Variants in FGF12 observed in about 807,000 individuals in gnomAD.
FGF12 encodes the protein fibroblast growth factor 12B.
Under a neutral mutation model 23.6 loss-of-function variants are expected in FGF12, and 14 were observed. The observed-to-expected ratio is 0.59, with a 90% CI of 0.39 to 0.93. The LOEUF (loss-of-function observed/expected upper bound fraction) is 0.93, where lower values mean the gene tolerates loss of function less well. FGF12 is among the 40% of genes least tolerant of loss of function. The pLI is 0.00. For synonymous variants in FGF12, 62 were observed against 77.3 expected (o/e 0.80, Z 1.04); for missense variants, 175 against 217.8 (o/e 0.80, Z 1.24).
intron 2 of FGF12, among the ~76,000 whole-genome samples, chr3:192,658,052 T>TA (rs1320854312): frequency 6.6e-6 from 1 of 151,968 alleles, no homozygotes; most frequent in Non-Finnish European, 1.5e-5. Context: ...CAATTGCAGA[T>TA]AAAAAACAGT....
chr3:192,467,106 C>T (rs1166853443), intron 2 of FGF12, among the ~76,000 whole-genome samples: 4 of 151,942 alleles, frequency 2.6e-5, no homozygotes. Context: ...TAAAAGAAGA[C>T]GAATCTAGAG....
chr3:192,712,771 A>G (rs1718737860), intron 2 of FGF12, among the ~76,000 whole-genome samples: 1 of 151,972 alleles, frequency 6.6e-6, no homozygotes, highest in Non-Finnish European at 1.5e-5. Flanking sequence ...GTATTCCACC[A>G]AAATAAGAGA....
rs577753768 is a variant in FGF12, at chr3:192,335,882, A to T, written c.125-418T>A. On this transcript the variant is annotated intron_variant, in intron 3 of 5. Transcript: ENST00000445105. ...AATAACAAAATACTATCTTTAAAAC[A>T]GGCCAAAGCTTCTTGTTTTTAGTAT... Among the ~76,000 whole-genome samples, 6 of 152,306 alleles carry T rather than the reference A, an allele frequency of 3.9e-5. No individual in the cohort carries two copies. The South Asian group carries it at 1.2e-3, about 32-fold the overall frequency.
intron 4 of FGF12, among the ~76,000 whole-genome samples, chr3:192,201,434 T>G (rs1384406975): frequency 6.6e-6 from 1 of 152,214 alleles, no homozygotes; most frequent in Admixed American, 6.5e-5. Flanking sequence ...TTTTATGCAT[T>G]TAATTAACAC....
chr3:192,687,442 CT>C (rs1264874366), intron 2 of FGF12, among the ~76,000 whole-genome samples: 1 of 152,146 alleles, frequency 6.6e-6, no homozygotes, highest in Non-Finnish European at 1.5e-5. Flanking sequence ...AACTTTGACT[CT>C]GCCTGGTAGG....
chr3:192,678,545 CT>C (rs1347909994), intron 2 of FGF12, among the ~76,000 whole-genome samples: 1 of 152,208 alleles, frequency 6.6e-6, no homozygotes, highest in Admixed American at 6.5e-5. Flanking sequence ...CTCCACTCAA[CT>C]TTCTCAGTTT....
rs576848455 is a variant in FGF12 at position 192,668,096 on chromosome 3, T to C, written c.13+59085A>G. Among the ~76,000 whole-genome samples, 7 of 152,016 alleles carry C rather than the reference T, an allele frequency of 4.6e-5. No individual in the cohort carries two copies. The South Asian group carries it at 1.5e-3, about 32-fold the overall frequency. Reference sequence around the variant, plus strand: ...GGAGAATTGGTTTAATAAATGTTAGTACTTTACTAAAATGGATAAATGGGT... The same window carrying C: ...GGAGAATTGGTTTAATAAATGTTAGCACTTTACTAAAATGGATAAATGGGT... On this transcript the variant is annotated intron_variant, in intron 2 of 5. Coordinates refer to ENST00000445105, the MANE Select transcript of FGF12 (RefSeq NM_004113.6).
intron 2 of FGF12, among the ~76,000 whole-genome samples, chr3:192,702,534 T>C (rs1366964791): frequency 1.3e-5 from 2 of 152,206 alleles, no homozygotes; most frequent in African/African-American, 4.8e-5. Context: ...GGATCACGCC[T>C]GTAATCCCAG....
chr3:192,191,008 TAAAAG>T (rs1385785526), intron 4 of FGF12, among the ~76,000 whole-genome samples: 1 of 152,180 alleles, frequency 6.6e-6, no homozygotes, highest in African/African-American at 2.4e-5. Context: ...AGAGTGAGCC[TAAAAG>T]AAAACAATAA....
At chr3:192,490,842 G>A (rs1041777160) in intron 2 of FGF12, among the ~76,000 whole-genome samples, 5 of 152,104 alleles carry the variant, frequency 3.3e-5, no homozygotes, top group Non-Finnish European at 7.4e-5. Context: ...GCACCTAATC[G>A]ATGGTGTCAT....
chr3:192,173,944 G>A (rs1380970440), intron 4 of FGF12, among the ~76,000 whole-genome samples: 14 of 152,160 alleles, frequency 9.2e-5, no homozygotes, highest in Admixed American at 9.2e-4. Flanking sequence ...GCTCATGACA[G>A]CGAAATAATT....
chr3:192,396,296 C>T (rs920147892), intron 2 of FGF12, among the ~76,000 whole-genome samples: 14 of 152,252 alleles, frequency 9.2e-5, no homozygotes, highest in African/African-American at 3.4e-4. Context: ...CTCAGTATTT[C>T]TATATTCCAT....
At chr3:192,378,391 G>A (rs1276298193) in intron 2 of FGF12, among the ~76,000 whole-genome samples, 1 of 143,054 alleles carries the variant, frequency 7.0e-6, no homozygotes, top group Admixed American at 6.7e-5. Flanking sequence ...GATTACAGGT[G>A]TGAGCCACTG....
intron 5 of FGF12, among the ~76,000 whole-genome samples, chr3:192,146,959 AT>A (rs1406967658): frequency 6.6e-6 from 1 of 152,228 alleles, no homozygotes; most frequent in Non-Finnish European, 1.5e-5. Flanking sequence ...AAATGGAGTA[AT>A]AAAATTAACG....
intron 2 of FGF12, among the ~76,000 whole-genome samples, chr3:192,410,654 CTTG>C (rs1252382014): frequency 6.6e-6 from 1 of 152,160 alleles, no homozygotes; most frequent in Non-Finnish European, 1.5e-5. Context: ...TTCCCTTCTT[CTTG>C]GAACCCAGAT....
intron 4 of FGF12, among the ~76,000 whole-genome samples, chr3:192,326,677 C>T (rs770154868): frequency 6.6e-6 from 1 of 152,188 alleles, no homozygotes; most frequent in Non-Finnish European, 1.5e-5. Flanking sequence ...CCATCACAAA[C>T]AAGGTGATAG....
rs944547808 is a variant in FGF12, at chr3:192,316,007, G to T, written c.228+19354C>A. Among the ~76,000 whole-genome samples the T allele has an allele frequency of 6.6e-5, 10 of 152,324 alleles. 1 individual carries two copies. The highest frequency in any genetic ancestry group is 6.5e-4 in the Admixed American group (10 of 15,302). On this transcript the variant is annotated intron_variant, in intron 4 of 5. Transcript: ENST00000445105. ...GCTCAGGTAACTGAGAGTTTTGGAG[G>T]TAGGGCTGGCTTTAAGGATAAGAAT...
At chr3:192,480,397 T>A (rs886659583) in intron 2 of FGF12, among the ~76,000 whole-genome samples, 4 of 152,144 alleles carry the variant, frequency 2.6e-5, no homozygotes, top group African/African-American at 9.7e-5. Context: ...ATTTTGAATA[T>A]CAGTACGAGA....
At chr3:192,681,026 T>C (rs1717507811) in intron 2 of FGF12, among the ~76,000 whole-genome samples, 1 of 152,262 alleles carries the variant, frequency 6.6e-6, no homozygotes, top group Non-Finnish European at 1.5e-5. Flanking sequence ...GGTTGTTCAA[T>C]AATATAGGCA....
Sources: gnomAD v4.1 joint callset for allele counts (sites outside exome capture counted in the v4.1 genomes callset) on GRCh38, gnomAD v4.1.1 for gene constraint, MANE v1.5 for transcripts, NCBI Gene and HGNC (gene_info 2026-07-23, HGNC 2026-07-21) for gene names.